The following APP variants were observed in gnomAD, a reference collection of about 807,000 sequenced individuals.
APP encodes the protein amyloid-beta precursor protein.
In APP, 31 loss-of-function variants were observed where a neutral mutation model predicts 101.4. The ratio of observed to expected loss-of-function variants is 0.31; its 90% CI spans 0.23 to 0.41. APP has a LOEUF of 0.41. Ranked by LOEUF, APP falls within the 10% of genes least tolerant of loss-of-function variation. The pLI, the probability that APP is intolerant of heterozygous loss-of-function variation, is 1.00. For missense variants in APP, 839 were observed against 1,003.7 expected (o/e 0.84, Z 2.22); for synonymous variants, 366 against 364.4 (o/e 1.00, Z -0.05).
Position 26,039,058 on chromosome 21 carries a change from G to T in APP, c.662+11942C>A, listed in dbSNP as rs531791914. ...AGTCTTTTCTTTCCTTGACTACTTG[G>T]ATGCGTCTATTACACCTGGTTTCTG... On this transcript the variant is annotated intron_variant, in intron 5 of 17. Transcript: ENST00000346798. 2.4e-4 allele frequency among the ~76,000 whole-genome samples: 37 copies of T among 152,192 alleles called. 1 individual carries two copies. In the South Asian group the frequency reaches 7.5e-3, roughly 31 times the overall value.
At chr21:26,048,131 A>G (rs1321351720) in intron 5 of APP, among the ~76,000 whole-genome samples, 3 of 151,914 alleles carry the variant, frequency 2.0e-5, no homozygotes, top group African/African-American at 7.3e-5. Context: ...CCCGGCCAAC[A>G]TGGTGAAACC....
intron 2 of APP, among the ~76,000 whole-genome samples, chr21:26,109,940 CA>C (rs1377380140): frequency 2.6e-5 from 4 of 151,990 alleles, no homozygotes; most frequent in Non-Finnish European, 5.9e-5. Flanking sequence ...ATGCATATAT[CA>C]AAAAAATGGT....
chr21:26,025,381 A>C (rs2044524472), intron 5 of APP, among the ~76,000 whole-genome samples: 1 of 152,234 alleles, frequency 6.6e-6, no homozygotes. Context: ...AATTCAGGGA[A>C]AGTCAGGAAG....
intron 2 of APP, among the ~76,000 whole-genome samples, chr21:26,100,112 T>C (rs1188835368): frequency 6.6e-6 from 1 of 152,192 alleles, no homozygotes; most frequent in Non-Finnish European, 1.5e-5. Flanking sequence ...CAGGACACAA[T>C]TGTGAAAACA....
rs370195454 is a variant in APP at position 26,033,693 on chromosome 21, G to T, written c.663-11651C>A. Among the ~76,000 whole-genome samples the T allele has an allele frequency of 1.1e-3, 163 of 152,304 alleles. No individual in the cohort carries two copies. In the Middle Eastern group the frequency reaches 0.017, roughly 16 times the overall value. On this transcript the variant is annotated intron_variant, in intron 5 of 17. Transcript: ENST00000346798. ...GAAGAGTGGCAAGGTTAGTTGTATT[G>T]CAACAAACATGAGCTAGCAGAAGCA...
chr21:25,898,641 C>T (rs545820685), intron 15 of APP, among the ~76,000 whole-genome samples: 1 of 152,236 alleles, frequency 6.6e-6, no homozygotes, highest in African/African-American at 2.4e-5. Context: ...CCAAACTGTC[C>T]TTTTTTTACA....
chr21:25,904,402 A>T (rs2038676303), intron 15 of APP, among the ~76,000 whole-genome samples: 1 of 152,222 alleles, frequency 6.6e-6, no homozygotes, highest in Non-Finnish European at 1.5e-5. Context: ...AGTAATACAT[A>T]AAAAAAGGGC....
chr21:26,022,105 A>C (rs1025488367), intron 5 of APP, 63 bp from the exon 6 acceptor site: 16 of 1,578,698 alleles, frequency 1.0e-5, no homozygotes, highest in Non-Finnish European at 1.4e-5. Flanking sequence ...AAGGAAAAGA[A>C]AAGTCGTCCA....
intron 3 of APP, among the ~76,000 whole-genome samples, chr21:26,060,855 G>C (rs2145994038): frequency 6.6e-6 from 1 of 152,342 alleles, no homozygotes; most frequent in Middle Eastern, 3.4e-3. Flanking sequence ...TGTCGTGGAG[G>C]AATGATGTGG....
In APP at chr21:26,170,588, G is replaced by A. The variant is rs754674097; in HGVS notation, c.33C>T (p.Ala11=). 4.4e-5 allele frequency: 68 copies of A among 1,538,764 alleles called. No individual in the cohort carries two copies. The highest frequency in any genetic ancestry group is 5.9e-5 in the Non-Finnish European group (68 of 1,146,474). The change falls in exon 1 of 18, where the codon GCC becomes GCT. Residue 11 remains alanine (A), a synonymous_variant. Transcript: ENST00000346798. ...CCTCCAGCGCCCGAGCCGTCCAGGC[G>A]GCCAGCAGGAGCAGTGCCAAACCGG... MLPGLALLLL[A]AWTARALEVP...
chr21:26,010,820 C>CAAA (rs58036272), intron 6 of APP, among the ~76,000 whole-genome samples: 2,524 of 53,088 alleles, frequency 0.048, 263 homozygotes, highest in Non-Finnish European at 0.06. Flanking sequence ...GACTTCGTCT[C>CAAA]AAAAAAAAAA....
chr21:26,013,114 CA>C (rs2043888978), intron 6 of APP, among the ~76,000 whole-genome samples: 1 of 152,116 alleles, frequency 6.6e-6, no homozygotes, highest in Non-Finnish European at 1.5e-5. Context: ...GTCAGGAGTT[CA>C]AGACCAGCCT....
Position 25,903,542 on chromosome 21 carries a change from T to C in APP, c.1963+1482A>G, listed in dbSNP as rs533963540. Among the ~76,000 whole-genome samples, 6 of 152,278 alleles carry C rather than the reference T, an allele frequency of 3.9e-5. No individual in the cohort carries two copies. The South Asian group carries it at 1.2e-3, about 32-fold the overall frequency. On this transcript the variant is annotated intron_variant, in intron 15 of 17. Coordinates refer to ENST00000346798, the MANE Select transcript of APP (RefSeq NM_000484.4). ...TGAGCGCTTTCTAAGTTACATTTTA[T>C]GCTTGTAGATGAAGAGCATGTCTTT...
chr21:25,916,673 T>A (rs1018644916), intron 13 of APP, among the ~76,000 whole-genome samples: 3 of 152,210 alleles, frequency 2.0e-5, no homozygotes, highest in Non-Finnish European at 4.4e-5. Context: ...TTTTCAGAAC[T>A]TTTAAGCATC....
intron 6 of APP, among the ~76,000 whole-genome samples, chr21:26,006,021 C>T (rs754983645): frequency 2.6e-5 from 4 of 152,146 alleles, no homozygotes; most frequent in Non-Finnish European, 5.9e-5. Flanking sequence ...CTTCTTTGTT[C>T]TCTTCTCAAA....
chr21:25,914,104 A>G (rs1402597261), intron 13 of APP, among the ~76,000 whole-genome samples: 2 of 151,746 alleles, frequency 1.3e-5, no homozygotes, highest in Non-Finnish European at 2.9e-5. Flanking sequence ...TGGCAGAACC[A>G]TTCTCCCTCC....
chr21:26,093,135 T>A (rs1297282030), intron 2 of APP, among the ~76,000 whole-genome samples: 2 of 152,190 alleles, frequency 1.3e-5, no homozygotes, highest in Non-Finnish European at 2.9e-5. Flanking sequence ...AAAATGCCAC[T>A]AAAAATTTAA....
At chr21:25,959,512 T>G (rs183395565) in intron 11 of APP, among the ~76,000 whole-genome samples, 2 of 152,248 alleles carry the variant, frequency 1.3e-5, no homozygotes, top group African/African-American at 2.4e-5. Context: ...CCAGGAGTAC[T>G]TGCCTGACTT....
intron 6 of APP, among the ~76,000 whole-genome samples, chr21:26,012,963 G>A (rs2043876594): frequency 6.7e-6 from 1 of 149,632 alleles, no homozygotes; most frequent in Non-Finnish European, 1.5e-5. Flanking sequence ...CTGGGTGACT[G>A]AGACTCCATG....
Sources: gnomAD v4.1 joint callset for allele counts (sites outside exome capture counted in the v4.1 genomes callset) on GRCh38, gnomAD v4.1.1 for gene constraint, MANE v1.5 for transcripts, NCBI Gene and HGNC (gene_info 2026-07-23, HGNC 2026-07-21) for gene names.